Variants in PTPN9 observed in about 807,000 individuals in gnomAD.
PTPN9 encodes tyrosine-protein phosphatase non-receptor type 9.
In PTPN9, 26 loss-of-function variants were observed where a neutral mutation model predicts 69.8. The ratio of observed to expected loss-of-function variants is 0.37; its 90% confidence interval spans 0.27 to 0.52. The LOEUF (loss-of-function observed/expected upper bound fraction) is 0.52, where lower values mean the gene tolerates loss of function less well. Ranked by LOEUF, PTPN9 falls within the 20% of genes least tolerant of loss-of-function variation. PTPN9 has a pLI of 0.91. For synonymous variants in PTPN9, 274 were observed against 272.5 expected (o/e 1.01, Z -0.05); for missense variants, 549 against 740.3 (o/e 0.74, Z 3.00).
intron 1 of PTPN9, among the ~76,000 whole-genome samples, chr15:75,578,244 G>C (rs2075182702): frequency 6.6e-6 from 1 of 152,174 alleles, no homozygotes; most frequent in Non-Finnish European, 1.5e-5. Flanking sequence ...GGGCATCTAT[G>C]CATCCAATAC....
intron 8 of PTPN9, among the ~76,000 whole-genome samples, chr15:75,488,930 C>T (rs1196783939): frequency 2.0e-5 from 3 of 152,130 alleles, no homozygotes; most frequent in African/African-American, 4.8e-5. Context: ...AATCCCAGCA[C>T]TTTGGGAGGC....
At chr15:75,489,959 C>T (rs2074699689) in intron 8 of PTPN9, among the ~76,000 whole-genome samples, 2 of 152,178 alleles carry the variant, frequency 1.3e-5, no homozygotes, top group African/African-American at 4.8e-5. Context: ...GAAGCACCTA[C>T]AATACAACAG....
chr15:75,573,318 GAA>G (rs2075157379), intron 1 of PTPN9, among the ~76,000 whole-genome samples: 1 of 152,192 alleles, frequency 6.6e-6, no homozygotes, highest in South Asian at 2.1e-4. Flanking sequence ...CAGGAGTTTA[GAA>G]AAGATACTGT....
intron 8 of PTPN9, 82 bp from the exon 9 acceptor site, chr15:75,479,996 C>T: frequency 1.0e-6 from 1 of 958,570 alleles, no homozygotes; most frequent in Non-Finnish European, 1.6e-6. Flanking sequence ...GTAAGTAAAA[C>T]CCAAGGTGTG....
In PTPN9 at chr15:75,527,350, C is replaced by G. The variant is rs991416162; in HGVS notation, c.64-89G>C. 3 of 1,470,258 alleles carry G rather than the reference C, an allele frequency of 2.0e-6. No individual in the cohort carries two copies. In the African/African-American group the frequency reaches 4.2e-5, roughly 20 times the overall value. The allele number at this position is 1,470,258 out of a possible 1,614,324, so 91.1% of individuals were successfully genotyped here. A position where few individuals can be genotyped will look rare whatever the true frequency, so the allele number is the denominator to read the frequency against. ...AAACAAGTGAAAACTATCATCCCTT[C>G]TCCAAGCAAGTCTGAACCCAGTTTG... On this transcript the variant is annotated intron_variant, in intron 1 of 12. Coordinates refer to ENST00000618819, the MANE Select transcript of PTPN9 (RefSeq NM_002833.4).
intron 1 of PTPN9, among the ~76,000 whole-genome samples, chr15:75,571,712 T>C (rs886365029): frequency 1.3e-5 from 2 of 151,858 alleles, no homozygotes; most frequent in Non-Finnish European, 2.9e-5. Flanking sequence ...ATGGCCAACA[T>C]GGTGAAACCC....
chr15:75,498,429 A>G (rs1353419354), intron 7 of PTPN9, among the ~76,000 whole-genome samples: 1 of 151,510 alleles, frequency 6.6e-6, no homozygotes, highest in East Asian at 2.0e-4. Context: ...CTATAGGGCA[A>G]TGAGGCTGGG....
intron 1 of PTPN9, among the ~76,000 whole-genome samples, chr15:75,552,825 T>C (rs1212143461): frequency 6.7e-6 from 1 of 149,034 alleles, no homozygotes; most frequent in Non-Finnish European, 1.5e-5. Context: ...ATAAAAGATT[T>C]AGATAAGGGC....
At chr15:75,508,400 G>C (rs1370815549) in intron 6 of PTPN9, among the ~76,000 whole-genome samples, 2 of 152,034 alleles carry the variant, frequency 1.3e-5, no homozygotes, top group African/African-American at 4.8e-5. Flanking sequence ...TTGAAATTGG[G>C]AAGCAACAAG....
intron 1 of PTPN9, among the ~76,000 whole-genome samples, chr15:75,566,338 G>A (rs745529092): frequency 5.9e-5 from 9 of 152,098 alleles, no homozygotes; most frequent in Non-Finnish European, 1.3e-4. Context: ...AATCTTAAAC[G>A]TGTAAAGAAC....
At chr15:75,529,262 G>A (rs1478575904) in intron 1 of PTPN9, among the ~76,000 whole-genome samples, 1 of 152,100 alleles carries the variant, frequency 6.6e-6, no homozygotes, top group Non-Finnish European at 1.5e-5. Context: ...TGGGATTACA[G>A]GTGTGAGCCA....
At chr15:75,479,313 GA>G (rs200429411) in intron 9 of PTPN9, among the ~76,000 whole-genome samples, 3 of 150,422 alleles carry the variant, frequency 2.0e-5, no homozygotes, top group African/African-American at 7.3e-5. Context: ...TTTCAAAGGA[GA>G]AAAAAAAATG....
In PTPN9 at chr15:75,505,857, A is replaced by G. The variant is rs377282731; in HGVS notation, c.786T>C (p.Asp262=). ...GAGGGAGGGAGAACAGGATGATCTC[A>G]TCGAAGGGATCTGGGTGGCCGTTCA... ...PQVNGHPDPF[D]EIILFSLPPA... is the part of the protein sequence containing the mutation. The change falls in exon 7 of 13, where the codon GAT becomes GAC. Residue 262 remains aspartate, a synonymous_variant. Transcript: ENST00000618819. The G allele has an allele frequency of 1.9e-6, 3 of 1,614,046 alleles. No homozygotes were observed. Among genetic ancestry groups the G allele is most frequent in the African/African-American group, 1.3e-5 (1 of 75,048 alleles).
Position 75,508,955 on chromosome 15 carries a change from T to C in PTPN9, c.601A>G (p.Ile201Val), listed in dbSNP as rs1292997941. ...TTGTCCTTCAGGAGGAGACTGATGA[T>C]GGAATAGGGCACTCGGAACCATATG... Reference protein sequence around the residue: ...APIWFRVPYSIISLLLKDKVR... With the variant: ...APIWFRVPYSVISLLLKDKVR... The change falls in exon 6 of 13, where the codon ATC becomes GTC. Residue 201 changes from isoleucine (I) to valine (V), a missense_variant. Coordinates refer to ENST00000618819, the MANE Select transcript of PTPN9 (RefSeq NM_002833.4). 1 of 1,614,100 alleles carries C rather than the reference T, an allele frequency of 6.2e-7. No individual in the cohort carries two copies. Among genetic ancestry groups the C allele is most frequent in the Admixed American group, 1.7e-5 (1 of 60,012 alleles).
At chr15:75,568,589 CT>C (rs574176330) in intron 1 of PTPN9, among the ~76,000 whole-genome samples, 359 of 150,776 alleles carry the variant, frequency 2.4e-3, no homozygotes, top group Non-Finnish European at 3.7e-3. Flanking sequence ...AATCCTAGCA[CT>C]TTGGGAGGCC....
intron 7 of PTPN9, among the ~76,000 whole-genome samples, chr15:75,503,242 C>T (rs1435128576): frequency 6.7e-6 from 1 of 149,896 alleles, no homozygotes; most frequent in African/African-American, 2.5e-5. Context: ...AGCATCTCTG[C>T]CCGGCCGCCC....
intron 7 of PTPN9, among the ~76,000 whole-genome samples, chr15:75,504,677 C>G (rs868770451): frequency 7.1e-6 from 1 of 140,974 alleles, no homozygotes; most frequent in Non-Finnish European, 1.6e-5. Flanking sequence ...CCGCCCTGTC[C>G]GGGAGGGAGG....
At chr15:75,480,463 C>G (rs1223244288) in intron 8 of PTPN9, among the ~76,000 whole-genome samples, 2 of 151,678 alleles carry the variant, frequency 1.3e-5, no homozygotes, top group African/African-American at 2.4e-5. Context: ...AAGGTCTCTT[C>G]CGTGAGGAGC....
chr15:75,528,486 A>T (rs1311235974), intron 1 of PTPN9, among the ~76,000 whole-genome samples: 1 of 151,874 alleles, frequency 6.6e-6, no homozygotes, highest in Non-Finnish European at 1.5e-5. Context: ...GGGCTCAAAC[A>T]ATCCTCCAGC....
Sources: gnomAD v4.1 joint callset for allele counts (sites outside exome capture counted in the v4.1 genomes callset) on GRCh38, gnomAD v4.1.1 for gene constraint, MANE v1.5 for transcripts, NCBI Gene and HGNC (gene_info 2026-07-23, HGNC 2026-07-21) for gene names.